The following PCSK5 variants were observed in gnomAD, a reference collection of about 807,000 sequenced individuals.
The protein encoded by PCSK5 is prohormone convertase 5.
A neutral mutation model predicts 233.2 loss-of-function variants in PCSK5; 129 were observed. The ratio of observed to expected loss-of-function variants is 0.55; its 90% CI spans 0.48 to 0.64. The LOEUF is 0.64. PCSK5 is among the 30% of genes least tolerant of loss of function. The probability of loss-of-function intolerance (pLI) is 0.00; values close to 1 mark genes in which losing one functional copy is unlikely to be tolerated. For synonymous variants in PCSK5, 825 were observed against 879.2 expected, an observed-to-expected ratio of 0.94 and a Z score of 1.09; for missense variants, 2,076 against 2,430.1, an observed-to-expected ratio of 0.85 and a Z score of 3.06.
intron 27 of PCSK5, 134 bp from the exon 28 acceptor site, chr9:76,302,003 A>G (rs1828623999): frequency 2.6e-6 from 1 of 380,734 alleles, no homozygotes; most frequent in South Asian, 2.1e-5. Flanking sequence ...CACACTCAAT[A>G]TGAAGATGAG....
At chr9:76,196,839 A>AATTG (rs1452755572) in intron 20 of PCSK5, among the ~76,000 whole-genome samples, 1 of 152,192 alleles carries the variant, frequency 6.6e-6, no homozygotes, top group African/African-American at 2.4e-5. Flanking sequence ...ACTTGAAACA[A>AATTG]ATTGATTGAG....
At chr9:76,002,962 A>G (rs1037271652) in intron 3 of PCSK5, among the ~76,000 whole-genome samples, 2 of 152,144 alleles carry the variant, frequency 1.3e-5, no homozygotes, top group African/African-American at 4.8e-5. Flanking sequence ...TGCCGAGAAA[A>G]ATTCTCGTGG....
chr9:75,988,756 T>C (rs570092377), intron 3 of PCSK5, among the ~76,000 whole-genome samples: 1 of 152,154 alleles, frequency 6.6e-6, no homozygotes, highest in South Asian at 2.1e-4. Flanking sequence ...ATGCATGTGT[T>C]AAAATTGGCC....
chr9:76,183,235 T>C (rs2131222015), intron 16 of PCSK5, among the ~76,000 whole-genome samples: 1 of 152,326 alleles, frequency 6.6e-6, no homozygotes, highest in African/African-American at 2.4e-5. Context: ...TTCCAGAGCC[T>C]AGAAGGTAGA....
At chr9:75,926,079 A>AGC (rs1823474332) in intron 1 of PCSK5, among the ~76,000 whole-genome samples, 1 of 152,162 alleles carries the variant, frequency 6.6e-6, no homozygotes, top group South Asian at 2.1e-4. Context: ...TGGCGGACAC[A>AGC]TTCCAGCTCC....
intron 15 of PCSK5, among the ~76,000 whole-genome samples, chr9:76,180,168 A>G (rs949207078): frequency 1.3e-5 from 2 of 151,670 alleles, no homozygotes; most frequent in Non-Finnish European, 2.9e-5. Context: ...TATTTAACAT[A>G]TGCATTAGCT....
At position 76,332,439 on chromosome 9, in the gene PCSK5, C is replaced by G; in HGVS notation, c.4577C>G (p.Thr1526Ser). Reference sequence around the variant, plus strand: ...ATTTTTTCTCCCATGACAGACACAACCTGTGTGAAGGACTGCCCAGAGGGC... The same window carrying G: ...ATTTTTTCTCCCATGACAGACACAAGCTGTGTGAAGGACTGCCCAGAGGGC... ...CPMNSLLLNT[T>S]CVKDCPEGYY... is the part of the protein sequence containing the mutation. The change falls in exon 34 of 38, where the codon ACC becomes AGC. Residue 1526 changes from threonine to serine, a missense_variant. This residue lies in a region of PCSK5 where 1,510 missense variants were observed against 1,538.1 expected (regional missense o/e 0.98). Coordinates refer to ENST00000674117, the MANE Select transcript of PCSK5 (RefSeq NM_001372043.1). The G allele has an allele frequency of 6.2e-7, 1 of 1,610,882 alleles. No individual in the cohort carries two copies. Among genetic ancestry groups the G allele is most frequent in the Non-Finnish European group, 8.5e-7 (1 of 1,178,804 alleles).
chr9:76,246,298 C>T (rs948950736), intron 24 of PCSK5, among the ~76,000 whole-genome samples: 8 of 139,428 alleles, frequency 5.7e-5, no homozygotes, highest in South Asian at 2.4e-4. Context: ...GCTGAGATTG[C>T]GCCACTGCAC....
chr9:76,084,812 G>A (rs1830995579), intron 7 of PCSK5, among the ~76,000 whole-genome samples: 1 of 152,088 alleles, frequency 6.6e-6, no homozygotes, highest in South Asian at 2.1e-4. Context: ...TAACAAACAA[G>A]GGCCCATGGA....
intron 11 of PCSK5, among the ~76,000 whole-genome samples, 178 bp from the exon 12 acceptor site, chr9:76,158,804 TC>T (rs1822718343): frequency 6.6e-6 from 1 of 152,242 alleles, no homozygotes; most frequent in Non-Finnish European, 1.5e-5. Flanking sequence ...CTCCCTTGCA[TC>T]TTTCCCACTA....
chr9:76,044,259 G>A (rs889201355), intron 5 of PCSK5, among the ~76,000 whole-genome samples: 1 of 152,198 alleles, frequency 6.6e-6, no homozygotes, highest in Non-Finnish European at 1.5e-5. Context: ...AATAGTAAAT[G>A]AGTTGGCATG....
intron 24 of PCSK5, among the ~76,000 whole-genome samples, chr9:76,282,549 C>G (rs1196413180): frequency 2.6e-5 from 4 of 152,054 alleles, no homozygotes; most frequent in Non-Finnish European, 5.9e-5. Context: ...AACTCCTGGG[C>G]TCAAGTGATC....
At chr9:76,147,572 T>C (rs1290691418) in intron 10 of PCSK5, among the ~76,000 whole-genome samples, 1 of 152,152 alleles carries the variant, frequency 6.6e-6, no homozygotes, top group African/African-American at 2.4e-5. Context: ...ACCTCAAAAC[T>C]CCTGAATCAC....
intron 5 of PCSK5, among the ~76,000 whole-genome samples, chr9:76,046,160 G>GTTTTTTCTTTTT (rs1829368184): frequency 1.7e-5 from 1 of 58,024 alleles, no homozygotes; most frequent in Non-Finnish European, 3.1e-5. Flanking sequence ...TTTTTCTTTT[G>GTTTTTTCTTTTT]TTTTTTTTTT....
intron 24 of PCSK5, among the ~76,000 whole-genome samples, chr9:76,282,515 C>T (rs1827914527): frequency 6.8e-6 from 1 of 147,192 alleles, no homozygotes; most frequent in African/African-American, 2.5e-5. Flanking sequence ...ATAGAGTCTC[C>T]CTATGTTGCC....
intron 6 of PCSK5, among the ~76,000 whole-genome samples, chr9:76,070,528 G>A (rs1830447289): frequency 6.6e-6 from 1 of 152,114 alleles, no homozygotes; most frequent in South Asian, 2.1e-4. Flanking sequence ...AGGATAAAGG[G>A]TCACATCTGT....
intron 2 of PCSK5, among the ~76,000 whole-genome samples, chr9:75,942,499 T>A (rs1191677152): frequency 6.6e-6 from 1 of 152,224 alleles, no homozygotes; most frequent in Non-Finnish European, 1.5e-5. Flanking sequence ...TTTCTCTCTG[T>A]GCCTTTTTAG....
intron 6 of PCSK5, among the ~76,000 whole-genome samples, chr9:76,070,252 G>A (rs1027888527): frequency 6.6e-6 from 1 of 151,926 alleles, no homozygotes; most frequent in African/African-American, 2.4e-5. Flanking sequence ...CACCCGCCTC[G>A]GCCTCCCAAA....
intron 34 of PCSK5, among the ~76,000 whole-genome samples, chr9:76,334,256 A>G (rs930529649): frequency 1.3e-5 from 2 of 152,214 alleles, no homozygotes; most frequent in African/African-American, 4.8e-5. Flanking sequence ...ATGGGAGTAC[A>G]ATTCAAGATG....
Sources: allele counts gnomAD v4.1 joint callset (sites outside exome capture counted in the v4.1 genomes callset), GRCh38; gene constraint gnomAD v4.1.1; regional missense constraint gnomAD v4.1.1; transcripts MANE v1.5; gene names NCBI Gene and HGNC (gene_info 2026-07-23, HGNC 2026-07-21).